Variants in TYW1B observed in about 807,000 individuals in gnomAD.
TYW1B encodes S-adenosyl-L-methionine-dependent tRNA 4-demethylwyosine synthase TYW1B.
In TYW1B, 73 loss-of-function variants were observed where a neutral mutation model predicts 86.9. The ratio of observed to expected loss-of-function variants is 0.84; its 90% confidence interval spans 0.70 to 1.02. The LOEUF (loss-of-function observed/expected upper bound fraction) is 1.02, where lower values mean the gene tolerates loss of function less well. Among genes scored for constraint, TYW1B ranks in the 50% least tolerant of loss-of-function variants. The probability of loss-of-function intolerance (pLI) is 0.00; values close to 1 mark genes in which losing one functional copy is unlikely to be tolerated. For synonymous variants in TYW1B, 248 were observed against 292.8 expected (o/e 0.85, Z 1.56); for missense variants, 637 against 827.4 (o/e 0.77, Z 2.82).
intron 11 of TYW1B, among the ~76,000 whole-genome samples, chr7:72,639,303 A>C (rs1182903393): frequency 6.6e-6 from 1 of 151,488 alleles, no homozygotes; most frequent in African/African-American, 2.4e-5. Context: ...CTCAGGCTGG[A>C]GTGCACTGGT....
At chr7:72,760,323 C>T (rs1787665932) in intron 7 of TYW1B, among the ~76,000 whole-genome samples, 1 of 152,182 alleles carries the variant, frequency 6.6e-6, no homozygotes, top group Non-Finnish European at 1.5e-5. Flanking sequence ...AACTGCTGTA[C>T]CCAAAATTTT....
chr7:72,810,736 A>G (rs1449616032), intron 3 of TYW1B, 71 bp from the exon 4 acceptor site: 27 of 1,511,146 alleles, frequency 1.8e-5, no homozygotes, highest in South Asian at 4.0e-5. Flanking sequence ...AAATCCTTTG[A>G]AAAAAAGCAT....
intron 7 of TYW1B, among the ~76,000 whole-genome samples, chr7:72,764,322 G>A (rs1407128201): frequency 3.3e-5 from 5 of 151,944 alleles, no homozygotes; most frequent in Non-Finnish European, 5.9e-5. Context: ...ACTCTCTGTC[G>A]CCCAGACTGG....
At chr7:72,825,293 T>C (rs1554481247) in intron 2 of TYW1B, among the ~76,000 whole-genome samples, 1 of 152,144 alleles carries the variant, frequency 6.6e-6, no homozygotes, top group African/African-American at 2.4e-5. Context: ...ATGGGAAGCA[T>C]CTTTCAACTA....
At chr7:72,774,933 T>G (rs1787930286) in intron 7 of TYW1B, among the ~76,000 whole-genome samples, 1 of 152,078 alleles carries the variant, frequency 6.6e-6, no homozygotes, top group South Asian at 2.1e-4. Context: ...ATAACTGTAT[T>G]CTATAGGCTC....
chr7:72,597,461 T>C (rs1811563560), intron 13 of TYW1B, among the ~76,000 whole-genome samples: 1 of 151,956 alleles, frequency 6.6e-6, no homozygotes, highest in Non-Finnish European at 1.5e-5. Flanking sequence ...AAAGAAACAA[T>C]AAAAATAAAA....
At position 72,636,829 on chromosome 7, in the gene TYW1B, T is replaced by C. The variant is rs183505095; in HGVS notation, c.1507-7832A>G. Reference sequence around the variant, plus strand: ...ACCTTTTCTTTAAAATAGTTGCTTCTATGCTTATGAGTAAAAATCGCTTTT... The same window carrying C: ...ACCTTTTCTTTAAAATAGTTGCTTCCATGCTTATGAGTAAAAATCGCTTTT... On this transcript the variant is annotated intron_variant, in intron 11 of 13. Transcript: ENST00000620995. 3.8e-3 allele frequency among the ~76,000 whole-genome samples: 572 copies of C among 152,360 alleles called. 3 individuals are homozygous for C. The highest frequency in any genetic ancestry group is 9.0e-3 in the Admixed American group (138 of 15,296).
chr7:72,656,522 C>T (rs1813208541), intron 11 of TYW1B, among the ~76,000 whole-genome samples: 1 of 151,880 alleles, frequency 6.6e-6, no homozygotes, highest in African/African-American at 2.4e-5. Flanking sequence ...GCATGAGAGT[C>T]GCTTCAACCT....
At chr7:72,606,617 C>G (rs1471752939) in intron 13 of TYW1B, among the ~76,000 whole-genome samples, 1 of 151,856 alleles carries the variant, frequency 6.6e-6, no homozygotes, top group East Asian at 1.9e-4. Context: ...GCCCCCCCCC[C>G]GCCTCCATCC....
chr7:72,664,265 AAATT>A (rs1813407706), intron 11 of TYW1B, among the ~76,000 whole-genome samples: 1 of 151,616 alleles, frequency 6.6e-6, no homozygotes, highest in Non-Finnish European at 1.5e-5. Context: ...TTTTTTTTCC[AAATT>A]AATTTATTTT....
intron 10 of TYW1B, among the ~76,000 whole-genome samples, chr7:72,707,245 GC>G (rs1471213655): frequency 6.6e-6 from 1 of 152,236 alleles, no homozygotes; most frequent in African/African-American, 2.4e-5. Context: ...ATTGGGGCTT[GC>G]CCCCATCGCT....
At chr7:72,632,284 T>C (rs1207409348) in intron 11 of TYW1B, among the ~76,000 whole-genome samples, 19 of 80,152 alleles carry the variant, frequency 2.4e-4, no homozygotes, top group African/African-American at 1.2e-3. Context: ...TATATATACG[T>C]GTATATATAT....
chr7:72,594,677 C>T (rs1429603699), intron 13 of TYW1B, among the ~76,000 whole-genome samples: 1 of 152,042 alleles, frequency 6.6e-6, no homozygotes, highest in Non-Finnish European at 1.5e-5. Flanking sequence ...TATCCTGATA[C>T]CAAAGCCAGA....
chr7:72,747,300 C>T (rs1288724002), intron 7 of TYW1B, among the ~76,000 whole-genome samples: 1 of 152,160 alleles, frequency 6.6e-6, no homozygotes, highest in African/African-American at 2.4e-5. Context: ...TCTTCATTTT[C>T]TCTTGCCACC....
At chr7:72,729,006 C>A in intron 8 of TYW1B, 75 bp from the exon 9 acceptor site, 1 of 1,410,344 alleles carries the variant, frequency 7.1e-7, no homozygotes, top group South Asian at 1.2e-5. Flanking sequence ...ATGAAGTCGT[C>A]CATTTTTAAA....
At chr7:72,697,657 A>G (rs544255238) in intron 10 of TYW1B, among the ~76,000 whole-genome samples, 12 of 152,260 alleles carry the variant, frequency 7.9e-5, no homozygotes, top group Non-Finnish European at 1.3e-4. Context: ...AATCACCATA[A>G]TAATTCCTGT....
intron 10 of TYW1B, among the ~76,000 whole-genome samples, chr7:72,705,648 T>G (rs184341987): frequency 1.3e-5 from 2 of 152,310 alleles, no homozygotes; most frequent in Admixed American, 6.5e-5. Context: ...GGACTAAATA[T>G]GAAGATAAGA....
intron 7 of TYW1B, among the ~76,000 whole-genome samples, chr7:72,746,706 AC>A (rs1554463883): frequency 6.6e-6 from 1 of 152,194 alleles, no homozygotes; most frequent in African/African-American, 2.4e-5. Flanking sequence ...CTGCACGTGC[AC>A]AGAGGACAGA....
chr7:72,622,410 A>T (rs1440923912), intron 12 of TYW1B, among the ~76,000 whole-genome samples: 7 of 152,254 alleles, frequency 4.6e-5, no homozygotes, highest in Non-Finnish European at 8.8e-5. Flanking sequence ...ACCCCATTGA[A>T]TTCTCAAAAC....
Sources: gnomAD v4.1 joint callset for allele counts (sites outside exome capture counted in the v4.1 genomes callset) on GRCh38, gnomAD v4.1.1 for gene constraint, MANE v1.5 for transcripts, NCBI Gene and HGNC (gene_info 2026-07-23, HGNC 2026-07-21) for gene names.